GLI2: variants seen among roughly 807,000 people sequenced by gnomAD.
GLI2 encodes the protein GLI family zinc finger 2.
A neutral mutation model predicts 78.9 loss-of-function variants in GLI2; 22 were observed. The observed-to-expected ratio is 0.28, with a 90% CI of 0.20 to 0.40. The LOEUF is 0.40. GLI2 is among the 10% of genes least tolerant of loss of function. GLI2 has a pLI of 1.00. For synonymous variants in GLI2, 974 were observed against 963.7 expected (o/e 1.01, Z -0.20); for missense variants, 2,097 against 2,213.2 (o/e 0.95, Z 1.05).
intron 2 of GLI2, among the ~76,000 whole-genome samples, chr2:120,843,886 C>G (rs1436492578): frequency 6.6e-6 from 1 of 152,120 alleles, no homozygotes; most frequent in African/African-American, 2.4e-5. Flanking sequence ...AGGCTGGTCT[C>G]GAACTCCTGA....
intron 2 of GLI2, among the ~76,000 whole-genome samples, chr2:120,827,690 G>T (rs931330370): frequency 6.6e-6 from 1 of 152,212 alleles, no homozygotes; most frequent in Non-Finnish European, 1.5e-5. Flanking sequence ...GATACAGAGG[G>T]CTGTTATGCA....
intron 1 of GLI2, among the ~76,000 whole-genome samples, chr2:120,763,499 C>G (rs1273673509): frequency 6.6e-6 from 1 of 152,226 alleles, no homozygotes; most frequent in Non-Finnish European, 1.5e-5. Flanking sequence ...TGGGCTTGTC[C>G]TGAGCAGCAG....
At chr2:120,862,587 G>A (rs762914301) in intron 2 of GLI2, among the ~76,000 whole-genome samples, 10 of 152,350 alleles carry the variant, frequency 6.6e-5, no homozygotes, top group Admixed American at 3.9e-4. Flanking sequence ...TGGGTCCATC[G>A]TGAGCACTTT....
chr2:120,958,665 CA>C (rs1245562525), intron 5 of GLI2, among the ~76,000 whole-genome samples: 2 of 152,184 alleles, frequency 1.3e-5, no homozygotes, highest in Non-Finnish European at 2.9e-5. Flanking sequence ...CTCTCCACTG[CA>C]CACTGGTCTT....
intron 1 of GLI2, among the ~76,000 whole-genome samples, chr2:120,765,419 G>T (rs995122714): frequency 6.6e-6 from 1 of 152,222 alleles, no homozygotes; most frequent in Non-Finnish European, 1.5e-5. Flanking sequence ...GCTAAAGAGC[G>T]ATCAACCCAG....
At chr2:120,939,102 C>T (rs982612207) in intron 3 of GLI2, among the ~76,000 whole-genome samples, 4 of 151,954 alleles carry the variant, frequency 2.6e-5, no homozygotes, top group African/African-American at 7.3e-5. Flanking sequence ...GCCAACATGG[C>T]GAAACCCCGT....
At chr2:120,824,586 G>A (rs1011520469) in intron 2 of GLI2, among the ~76,000 whole-genome samples, 1 of 152,188 alleles carries the variant, frequency 6.6e-6, no homozygotes, top group Non-Finnish European at 1.5e-5. Flanking sequence ...CTGGCTGTAA[G>A]CCCCTTTGGG....
intron 1 of GLI2, among the ~76,000 whole-genome samples, chr2:120,761,445 G>C (rs77234398): frequency 0.013 from 2,010 of 152,296 alleles, 22 homozygotes; most frequent in Middle Eastern, 0.031. Context: ...CCCAGCCCAG[G>C]GGGTGGCTGC....
rs778101215 is a variant in GLI2, at chr2:120,984,603, C to T, written c.1765C>T (p.Arg589Cys). The T allele has an allele frequency of 1.9e-5, 31 of 1,614,134 alleles. No homozygotes were observed. The highest frequency in any genetic ancestry group is 2.4e-5 in the Non-Finnish European group (28 of 1,180,054). ...TKKQRNDVHL[R>C]TPLLKENGDS... is the part of the protein sequence containing the mutation. ...GAAGCAGCGCAATGACGTGCACCTC[C>T]GCACACCGCTGCTCAAAGAGAATGG... is the stretch of plus-strand genomic sequence containing the variant. The change falls in exon 12 of 14, where the codon CGC becomes TGC. Residue 589 changes from arginine to cysteine, a missense_variant. Transcript: ENST00000361492.
intron 2 of GLI2, among the ~76,000 whole-genome samples, chr2:120,900,474 G>T (rs1678198004): frequency 6.6e-6 from 1 of 152,168 alleles, no homozygotes; most frequent in Non-Finnish European, 1.5e-5. Context: ...TGCAAACTCA[G>T]ATGGCATTTT....
rs377045498 is a variant in GLI2 at position 120,800,179 on chromosome 2, G to A, written c.148+2711G>A. ...GGGACTGTACCAAGCCTGGGAGAGGGACAGTGCCGCAGGGTGCACCCCGGG... is the reference window on the plus strand; with the variant it reads ...GGGACTGTACCAAGCCTGGGAGAGGAACAGTGCCGCAGGGTGCACCCCGGG... On this transcript the variant is annotated intron_variant, in intron 2 of 13. Coordinates refer to ENST00000361492, the MANE Select transcript of GLI2 (RefSeq NM_001374353.1). This position sits in a 1 kb window ranked among gnomAD's most constrained non-coding sequence, Gnocchi z 4.1. Among the ~76,000 whole-genome samples the A allele has an allele frequency of 5.9e-5, 9 of 152,202 alleles. No homozygotes were observed. Among genetic ancestry groups the A allele is most frequent in the African/African-American group, 2.2e-4 (9 of 41,436 alleles).
At chr2:120,769,384 CA>C (rs1007785468) in intron 1 of GLI2, among the ~76,000 whole-genome samples, 1 of 152,216 alleles carries the variant, frequency 6.6e-6, no homozygotes, top group Non-Finnish European at 1.5e-5. Flanking sequence ...TCCGGGGCTC[CA>C]TGGGTGCCGG....
At position 120,989,545 on chromosome 2, in the gene GLI2, G is replaced by GCCC; in HGVS notation, c.3583_3585dup (p.Pro1195dup). 1 of 1,612,594 alleles carries GCCC rather than the reference G, an allele frequency of 6.2e-7. No individual in the cohort carries two copies. The highest frequency in any genetic ancestry group is 8.5e-7 in the Non-Finnish European group (1 of 1,179,798). On this transcript the variant is annotated inframe_insertion, in exon 14 of 14. Coordinates refer to ENST00000361492, the MANE Select transcript of GLI2 (RefSeq NM_001374353.1). ...GCCACACCTGCAGCCCCGCAGCGGA[G>GCCC]CCCCCTCCCAGGGCATCCCCAGGGT...
chr2:120,835,798 G>C (rs1434629625), intron 2 of GLI2, among the ~76,000 whole-genome samples: 1 of 151,984 alleles, frequency 6.6e-6, no homozygotes, highest in Non-Finnish European at 1.5e-5. Flanking sequence ...GTGTGCGTTT[G>C]TGTGTGTGTA....
intron 2 of GLI2, among the ~76,000 whole-genome samples, chr2:120,881,659 G>A (rs1157638572): frequency 1.2e-5 from 1 of 82,212 alleles, no homozygotes; most frequent in Admixed American, 1.3e-4. Context: ...GTTTGGGGGA[G>A]GACAGTGTGG....
chr2:120,989,202 C>T lies in GLI2; in HGVS notation c.3237C>T (p.Asn1079=). 1 of 1,613,198 alleles carries T rather than the reference C, an allele frequency of 6.2e-7. No homozygotes were observed. Among genetic ancestry groups the T allele is most frequent in the Non-Finnish European group, 8.5e-7 (1 of 1,180,016 alleles). The stretch of plus-strand genomic sequence containing the variant: ...CGGAAAGCACTGGCTTCTCTGACAA[C>T]CCCAGACTACCCAGCCCGGGGCTGC... The part of the protein sequence containing the change: ...YPTESTGFSD[N]PRLPSPGLHG... Residue 1079 remains asparagine (N), a synonymous_variant, in exon 14 of 14, where the codon AAC becomes AAT. Transcript: ENST00000361492.
chr2:120,913,789 T>C (rs1678951298), intron 2 of GLI2, among the ~76,000 whole-genome samples: 1 of 152,198 alleles, frequency 6.6e-6, no homozygotes. Flanking sequence ...TTAAAGGTCA[T>C]TGATTGTCTG....
intron 8 of GLI2, among the ~76,000 whole-genome samples, chr2:120,974,402 C>T (rs934582728): frequency 3.3e-5 from 5 of 152,104 alleles, no homozygotes; most frequent in African/African-American, 7.2e-5. Flanking sequence ...TCCTTTTTGA[C>T]GGGAATTTCA....
At chr2:120,950,278 A>G (rs1462480104) in intron 3 of GLI2, among the ~76,000 whole-genome samples, 1 of 152,262 alleles carries the variant, frequency 6.6e-6, no homozygotes, top group Non-Finnish European at 1.5e-5. Flanking sequence ...CAAATTATAG[A>G]CTAAAGAATA....
Sources: allele counts gnomAD v4.1 joint callset (sites outside exome capture counted in the v4.1 genomes callset), GRCh38; gene constraint gnomAD v4.1.1; non-coding constraint Gnocchi (gnomAD v3.1); transcripts MANE v1.5; gene names NCBI Gene and HGNC (gene_info 2026-07-23, HGNC 2026-07-21).